The following CSMD3 variants were observed in gnomAD, a reference collection of about 807,000 sequenced individuals.
CSMD3 encodes the protein CUB and sushi domain-containing protein 3.
A neutral mutation model predicts 435.2 loss-of-function variants in CSMD3; 177 were observed. That is an observed-to-expected ratio of 0.41 (90% CI 0.36 to 0.46). CSMD3 has a LOEUF of 0.46. Among genes scored for constraint, CSMD3 ranks in the 20% least tolerant of loss-of-function variants. The probability of loss-of-function intolerance (pLI) is 0.34; values close to 1 mark genes in which losing one functional copy is unlikely to be tolerated. For synonymous variants in CSMD3, 1,656 were observed against 1,520.5 expected, an observed-to-expected ratio of 1.09 and a Z score of -2.07; for missense variants, 4,265 against 4,504.6, an observed-to-expected ratio of 0.95 and a Z score of 1.52.
At chr8:112,723,887 G>A (rs1362348968) in intron 13 of CSMD3, among the ~76,000 whole-genome samples, 1 of 151,942 alleles carries the variant, frequency 6.6e-6, no homozygotes, top group Non-Finnish European at 1.5e-5. Context: ...TAATAAATAT[G>A]TATTGAGTAC....
intron 32 of CSMD3, among the ~76,000 whole-genome samples, chr8:112,439,928 A>G (rs954173014): frequency 9.9e-5 from 15 of 152,134 alleles, no homozygotes; most frequent in South Asian, 8.3e-4. Context: ...GGGTAAATAC[A>G]CAAAGCCAGA....
chr8:112,464,214 G>A (rs1220498170), intron 32 of CSMD3, among the ~76,000 whole-genome samples: 1 of 150,440 alleles, frequency 6.6e-6, no homozygotes, highest in East Asian at 2.0e-4. Flanking sequence ...CTCCAGCCTG[G>A]GCGACAGAGC....
intron 1 of CSMD3, among the ~76,000 whole-genome samples, chr8:113,399,663 G>A (rs1422133199): frequency 6.6e-6 from 1 of 151,960 alleles, no homozygotes; most frequent in Non-Finnish European, 1.5e-5. Flanking sequence ...AGGATCGTGA[G>A]TGAATTCTAA....
At chr8:113,157,215 G>A (rs1354965303) in intron 4 of CSMD3, among the ~76,000 whole-genome samples, 1 of 152,048 alleles carries the variant, frequency 6.6e-6, no homozygotes, top group African/African-American at 2.4e-5. Context: ...CCTCAGCTGT[G>A]ACATAAACCA....
chr8:112,255,452 A>G (rs750276522), intron 61 of CSMD3, 25 bp from the exon 62 acceptor site: 95 of 1,610,710 alleles, frequency 5.9e-5, no homozygotes, highest in Non-Finnish European at 7.8e-5. Context: ...AAAGACGCTT[A>G]TATCAAAGAT....
chr8:112,613,064 T>C (rs1265862627), intron 22 of CSMD3, among the ~76,000 whole-genome samples: 4 of 152,054 alleles, frequency 2.6e-5, no homozygotes, highest in Non-Finnish European at 5.9e-5. Flanking sequence ...GCAACTACCA[T>C]GCCCAGCCTA....
chr8:112,652,225 T>C (rs918155587), intron 18 of CSMD3, among the ~76,000 whole-genome samples: 1 of 152,204 alleles, frequency 6.6e-6, no homozygotes, highest in African/African-American at 2.4e-5. Flanking sequence ...ATAAGTCTCC[T>C]CATTAGTTTT....
At chr8:113,174,045 T>A in intron 3 of CSMD3, 129 bp from the exon 4 acceptor site, 2 of 718,258 alleles carry the variant, frequency 2.8e-6, no homozygotes, top group Admixed American at 2.2e-5. Context: ...TGAAAGGAAC[T>A]GTCTTCTATT....
intron 24 of CSMD3, among the ~76,000 whole-genome samples, chr8:112,561,470 CA>C (rs905030924): frequency 4.6e-5 from 7 of 151,336 alleles, no homozygotes; most frequent in African/African-American, 1.7e-4. Flanking sequence ...TTGAAATCTA[CA>C]AAAAAATATA....
At chr8:112,671,427 A>G (rs1467662412) in intron 16 of CSMD3, among the ~76,000 whole-genome samples, 7 of 152,060 alleles carry the variant, frequency 4.6e-5, no homozygotes, top group Non-Finnish European at 7.4e-5. Flanking sequence ...TCAAACATAA[A>G]TGATCTAATC....
intron 13 of CSMD3, among the ~76,000 whole-genome samples, chr8:112,699,971 C>A (rs143172582): frequency 6.6e-6 from 1 of 151,246 alleles, no homozygotes; most frequent in Non-Finnish European, 1.5e-5. Context: ...TGTGTGTGTG[C>A]GTGCGTGTGT....
At chr8:112,309,243 A>G (rs1343349617) in intron 50 of CSMD3, among the ~76,000 whole-genome samples, 1 of 151,984 alleles carries the variant, frequency 6.6e-6, no homozygotes, top group Non-Finnish European at 1.5e-5. Flanking sequence ...TTCAGAAAGC[A>G]TGCGGTATTT....
intron 10 of CSMD3, among the ~76,000 whole-genome samples, chr8:112,907,971 AT>A (rs796403526): frequency 6.6e-6 from 1 of 151,320 alleles, no homozygotes; most frequent in Non-Finnish European, 1.5e-5. Flanking sequence ...GCTAGATGAG[AT>A]TTTTTTGGTA....
chr8:112,413,208 T>C (rs1563916833), intron 32 of CSMD3, among the ~76,000 whole-genome samples: 1 of 152,190 alleles, frequency 6.6e-6, no homozygotes, highest in Non-Finnish European at 1.5e-5. Flanking sequence ...CCCCCATGAA[T>C]AAATTCAGAA....
chr8:112,852,358 C>T (rs573429157), intron 11 of CSMD3, among the ~76,000 whole-genome samples: 2 of 152,152 alleles, frequency 1.3e-5, no homozygotes, highest in South Asian at 4.2e-4. Context: ...CAAAAGTCAA[C>T]ATTTATACTT....
intron 35 of CSMD3, among the ~76,000 whole-genome samples, chr8:112,405,502 T>C (rs1331449680): frequency 2.6e-5 from 4 of 151,288 alleles, no homozygotes; most frequent in Non-Finnish European, 5.9e-5. Flanking sequence ...TCATTATAAT[T>C]ACCCTGAAAT....
At chr8:112,639,677 C>T (rs1257135074) in intron 20 of CSMD3, among the ~76,000 whole-genome samples, 1 of 152,054 alleles carries the variant, frequency 6.6e-6, no homozygotes, top group Non-Finnish European at 1.5e-5. Flanking sequence ...AGATTGGAAT[C>T]ATATATACTC....
chr8:112,346,899 T>G (rs148300155), intron 40 of CSMD3, among the ~76,000 whole-genome samples: 1 of 151,946 alleles, frequency 6.6e-6, no homozygotes, highest in South Asian at 2.1e-4. Context: ...CAGGATGGTC[T>G]TGATCTCCTG....
At chr8:112,433,608 G>A (rs559343466) in intron 32 of CSMD3, among the ~76,000 whole-genome samples, 1 of 127,082 alleles carries the variant, frequency 7.9e-6, no homozygotes, top group African/African-American at 2.9e-5. Flanking sequence ...AGTGAGTCAG[G>A]ATCATGCCAT....
Sources: allele counts gnomAD v4.1 joint callset (sites outside exome capture counted in the v4.1 genomes callset), GRCh38; gene constraint gnomAD v4.1.1; transcripts MANE v1.5; gene names NCBI Gene and HGNC (gene_info 2026-07-23, HGNC 2026-07-21).